Variants in TSPAN14 observed in about 807,000 individuals in gnomAD.
TSPAN14 encodes tetraspanin 14.
Under a neutral mutation model 36.6 loss-of-function variants are expected in TSPAN14, and 16 were observed. The ratio of observed to expected loss-of-function variants is 0.44; its 90% CI spans 0.30 to 0.66. The LOEUF (loss-of-function observed/expected upper bound fraction) is 0.66, where lower values mean the gene tolerates loss of function less well. TSPAN14 is among the 30% of genes least tolerant of loss of function. The probability of loss-of-function intolerance (pLI) is 0.12; values close to 1 mark genes in which losing one functional copy is unlikely to be tolerated. For missense variants in TSPAN14, 231 were observed against 355.1 expected, an observed-to-expected ratio of 0.65 and a Z score of 2.81; for synonymous variants, 139 against 143.8, an observed-to-expected ratio of 0.97 and a Z score of 0.24.
intron 1 of TSPAN14, among the ~76,000 whole-genome samples, chr10:80,471,775 G>T (rs1240479868): frequency 6.6e-6 from 1 of 152,142 alleles, no homozygotes; most frequent in Non-Finnish European, 1.5e-5. Flanking sequence ...GCAGGTGTGG[G>T]GTGAGTGGCA....
intron 1 of TSPAN14, among the ~76,000 whole-genome samples, chr10:80,464,038 TTGG>T: frequency 6.6e-6 from 1 of 152,130 alleles, no homozygotes; most frequent in South Asian, 2.1e-4. Context: ...CCAGAGCGAG[TTGG>T]GGTGTAGGGA....
intron 7 of TSPAN14, among the ~76,000 whole-genome samples, chr10:80,514,657 C>G (rs910940891): frequency 1.3e-5 from 2 of 152,196 alleles, no homozygotes; most frequent in African/African-American, 4.8e-5. Context: ...GAGACCCCAC[C>G]TGTTAGCCGT....
chr10:80,486,489 C>T (rs1366668472), intron 1 of TSPAN14, among the ~76,000 whole-genome samples: 1 of 152,220 alleles, frequency 6.6e-6, no homozygotes, highest in Admixed American at 6.5e-5. Context: ...GTGGAGCTTT[C>T]ATCAAGGAGG....
intron 1 of TSPAN14, among the ~76,000 whole-genome samples, chr10:80,471,348 A>G (rs1846540768): frequency 6.6e-6 from 1 of 151,626 alleles, no homozygotes; most frequent in African/African-American, 2.4e-5. Context: ...AACCTTGCTG[A>G]TCTAGGGAGG....
chr10:80,508,185 G>A (rs1368322095), intron 4 of TSPAN14, among the ~76,000 whole-genome samples: 2 of 149,616 alleles, frequency 1.3e-5, no homozygotes, highest in Admixed American at 6.7e-5. Context: ...GCGTGATCTC[G>A]GCTAACTGCA....
intron 1 of TSPAN14, among the ~76,000 whole-genome samples, chr10:80,472,393 G>C (rs1044985146): frequency 6.6e-6 from 1 of 152,214 alleles, no homozygotes; most frequent in African/African-American, 2.4e-5. Context: ...ATGTGGGTCT[G>C]AGTCATTACC....
At chr10:80,490,560 G>C (rs1847871369) in intron 2 of TSPAN14, among the ~76,000 whole-genome samples, 1 of 152,162 alleles carries the variant, frequency 6.6e-6, no homozygotes, top group African/African-American at 2.4e-5. Context: ...ACAGGACATT[G>C]GTAATGGCTT....
chr10:80,517,321 C>G (rs1359776796), intron 8 of TSPAN14, among the ~76,000 whole-genome samples: 1 of 152,126 alleles, frequency 6.6e-6, no homozygotes, highest in East Asian at 1.9e-4. Context: ...TAGAACCACA[C>G]AAGAATTTAA....
At chr10:80,485,595 C>T (rs1029717047) in intron 1 of TSPAN14, 5 of 983,532 alleles carry the variant, frequency 5.1e-6, no homozygotes, top group Non-Finnish European at 6.0e-6. Flanking sequence ...CTCCCATTTA[C>T]CTTCTTCAGC....
intron 1 of TSPAN14, chr10:80,485,828 A>G (rs918515681): frequency 2.5e-5 from 10 of 396,314 alleles, no homozygotes; most frequent in African/African-American, 2.2e-4. Flanking sequence ...CTGTGGGTTG[A>G]GGATGGGGGA....
chr10:80,509,078 T>G lies in TSPAN14; in HGVS notation c.280-223T>G, dbSNP rs1325163218. ...CATTTGAGTGTTATCAGCAATGCAG[T>G]GACATGGGTAGGGATAAATAGCCCC... On this transcript the variant is annotated intron_variant, in intron 4 of 8. Transcript: ENST00000429989. The surrounding 1 kb of genome is among the most constrained non-coding windows in gnomAD (Gnocchi z 4.7). 2.0e-5 allele frequency among the ~76,000 whole-genome samples: 3 copies of G among 152,186 alleles called. No individual in the cohort carries two copies. In the East Asian group the frequency reaches 5.8e-4, roughly 29 times the overall value.
chr10:80,479,372 C>G lies in TSPAN14; in HGVS notation c.-17-9845C>G, dbSNP rs528941670. ...TTAGACATGAAGTCCTTGCCCATGC[C>G]TATGTCCTGAATGGTAATGCCTAGG... On this transcript the variant is annotated intron_variant, in intron 1 of 8. Transcript: ENST00000429989. Among the ~76,000 whole-genome samples the G allele has an allele frequency of 2.0e-3, 310 of 151,916 alleles. 2 individuals carry two copies. The highest frequency in any genetic ancestry group is 7.1e-3 in the African/African-American group (292 of 41,396).
At chr10:80,471,718 A>G (rs962557951) in intron 1 of TSPAN14, among the ~76,000 whole-genome samples, 4 of 152,098 alleles carry the variant, frequency 2.6e-5, no homozygotes, top group Non-Finnish European at 5.9e-5. Flanking sequence ...TCAAGGTGCC[A>G]GGCCTCCTTT....
chr10:80,465,985 G>A (rs376934624), intron 1 of TSPAN14, among the ~76,000 whole-genome samples: 57 of 152,138 alleles, frequency 3.7e-4, no homozygotes, highest in African/African-American at 1.3e-3. Context: ...ACTCTCACCC[G>A]CTGTCTGACT....
chr10:80,464,032 A>C (rs2131957976), intron 1 of TSPAN14, among the ~76,000 whole-genome samples: 1 of 152,322 alleles, frequency 6.6e-6, no homozygotes, highest in African/African-American at 2.4e-5. Context: ...AGTCAGCCAG[A>C]GCGAGTTGGG....
intron 1 of TSPAN14, 86 bp from the exon 2 acceptor site, chr10:80,489,131 C>A: frequency 2.3e-6 from 2 of 858,398 alleles, no homozygotes; most frequent in Non-Finnish European, 3.7e-6. Context: ...TGATCGGGAG[C>A]TTTCTAGAAT....
At chr10:80,469,410 A>G (rs1040784500) in intron 1 of TSPAN14, among the ~76,000 whole-genome samples, 1 of 152,204 alleles carries the variant, frequency 6.6e-6, no homozygotes, top group Non-Finnish European at 1.5e-5. Flanking sequence ...TGCAGCAGAA[A>G]ACAGTTTGAG....
Position 80,514,064 on chromosome 10 carries a change from G to A in TSPAN14, c.621+1G>A. On this transcript the variant is annotated splice_donor_variant, in intron 7 of 8. Transcript: ENST00000429989. LOFTEE classifies it high-confidence loss of function. ...GTGTGGATATGATGTCAGGATTCAG[G>A]TGAGAACTCCCATGTATACAACTTG... is the stretch of plus-strand genomic sequence containing the variant. 2 of 1,613,302 alleles carry A rather than the reference G, an allele frequency of 1.2e-6. No homozygotes were observed. Among genetic ancestry groups the A allele is most frequent in the Non-Finnish European group, 1.7e-6 (2 of 1,179,382 alleles).
intron 5 of TSPAN14, among the ~76,000 whole-genome samples, chr10:80,510,798 C>T (rs992583129): frequency 1.5e-4 from 23 of 152,088 alleles, no homozygotes; most frequent in South Asian, 4.2e-4. Context: ...GGTGTGAACC[C>T]GGGAGGCGGA....
Sources: gnomAD v4.1 joint callset for allele counts (sites outside exome capture counted in the v4.1 genomes callset) on GRCh38, gnomAD v4.1.1 for gene constraint, Gnocchi (gnomAD v3.1) non-coding constraint, MANE v1.5 for transcripts, NCBI Gene and HGNC (gene_info 2026-07-23, HGNC 2026-07-21) for gene names.